The following GALNT1 variants were observed in gnomAD, a reference collection of about 807,000 sequenced individuals.
The protein encoded by GALNT1 is GalNAc transferase 1.
In GALNT1, 17 loss-of-function variants were observed where a neutral mutation model predicts 65.7. The observed-to-expected ratio is 0.26, with a 90% CI of 0.18 to 0.39. The LOEUF (loss-of-function observed/expected upper bound fraction) is 0.39, where lower values mean the gene tolerates loss of function less well. Among genes scored for constraint, GALNT1 ranks in the 10% least tolerant of loss-of-function variants. The pLI is 1.00. For synonymous variants in GALNT1, 210 were observed against 219.7 expected (o/e 0.96, Z 0.39); for missense variants, 460 against 672.8 (o/e 0.68, Z 3.50).
chr18:35,702,784 T>G, intron 9 of GALNT1, 113 bp from the exon 10 acceptor site: 1 of 608,720 alleles, frequency 1.6e-6, no homozygotes, highest in Non-Finnish European at 2.8e-6. Flanking sequence ...ATAGGCCATT[T>G]CAGAGTAGGG....
chr18:35,603,741 C>T (rs1013097889), intron 1 of GALNT1, among the ~76,000 whole-genome samples: 1 of 152,122 alleles, frequency 6.6e-6, no homozygotes, highest in African/African-American at 2.4e-5. Context: ...AGCTCCATCC[C>T]TCTACAGTTA....
At chr18:35,645,219 T>G (rs951926613) in intron 1 of GALNT1, among the ~76,000 whole-genome samples, 7 of 37,248 alleles carry the variant, frequency 1.9e-4, no homozygotes, top group African/African-American at 6.1e-4. Context: ...ATTTTGAATG[T>G]TTTTTTTTTT....
chr18:35,665,345 T>G (rs2047534639), intron 3 of GALNT1, among the ~76,000 whole-genome samples: 1 of 152,074 alleles, frequency 6.6e-6, no homozygotes, highest in Non-Finnish European at 1.5e-5. Flanking sequence ...ACCAAAGAGA[T>G]GGACAACAGT....
At chr18:35,697,016 G>A (rs980413205) in intron 9 of GALNT1, among the ~76,000 whole-genome samples, 2 of 152,220 alleles carry the variant, frequency 1.3e-5, no homozygotes, top group African/African-American at 4.8e-5. Context: ...AAGAATGGGT[G>A]CATTCACAAT....
chr18:35,662,573 G>T (rs2047492544), intron 2 of GALNT1, among the ~76,000 whole-genome samples: 1 of 150,054 alleles, frequency 6.7e-6, no homozygotes, highest in Non-Finnish European at 1.5e-5. Flanking sequence ...AAGCCTGACT[G>T]AAGAGAGATG....
At chr18:35,644,281 C>T (rs1231490320) in intron 1 of GALNT1, among the ~76,000 whole-genome samples, 1 of 152,204 alleles carries the variant, frequency 6.6e-6, no homozygotes, top group Non-Finnish European at 1.5e-5. Flanking sequence ...TAAGAAGATT[C>T]CAAGACCTGA....
At chr18:35,620,113 G>A (rs546600656) in intron 1 of GALNT1, among the ~76,000 whole-genome samples, 3 of 152,224 alleles carry the variant, frequency 2.0e-5, no homozygotes, top group African/African-American at 7.2e-5. Flanking sequence ...GCAGCTATGT[G>A]GTCAGCAAAG....
intron 1 of GALNT1, among the ~76,000 whole-genome samples, chr18:35,640,371 G>GTAC (rs35932635): frequency 3.3e-5 from 5 of 151,842 alleles, no homozygotes; most frequent in Non-Finnish European, 1.5e-5. Context: ...AAAAATTAAA[G>GTAC]TAACAAGTAT....
chr18:35,650,345 A>T (rs929529833), intron 1 of GALNT1, among the ~76,000 whole-genome samples: 2 of 152,218 alleles, frequency 1.3e-5, no homozygotes, highest in Non-Finnish European at 2.9e-5. Context: ...ATTAAAAAAT[A>T]TCACAAGGCA....
At chr18:35,628,007 A>G (rs777229580) in intron 1 of GALNT1, among the ~76,000 whole-genome samples, 1 of 152,174 alleles carries the variant, frequency 6.6e-6, no homozygotes, top group Non-Finnish European at 1.5e-5. Flanking sequence ...GCAATGTGGC[A>G]GCGAGGCTGG....
intron 1 of GALNT1, among the ~76,000 whole-genome samples, chr18:35,607,015 G>C (rs1317010813): frequency 2.0e-5 from 3 of 152,022 alleles, no homozygotes; most frequent in Non-Finnish European, 2.9e-5. Context: ...GTCATATTTT[G>C]TACCCCTCAG....
At chr18:35,603,796 G>C (rs1418749414) in intron 1 of GALNT1, among the ~76,000 whole-genome samples, 1 of 152,126 alleles carries the variant, frequency 6.6e-6, no homozygotes, top group Non-Finnish European at 1.5e-5. Flanking sequence ...ACAGTTATGT[G>C]AGCCAGTAAA....
Position 35,709,965 on chromosome 18 carries a change from G to C in GALNT1, c.*195G>C. ...AACCAGCCTTCCTGTCCATGGACGT[G>C]AAACTGCATAGTAATGAGACTGTGC... On this transcript the variant is annotated 3_prime_UTR_variant, in exon 12 of 12. Transcript: ENST00000269195. 1.7e-6 allele frequency: 1 copy of C among 593,800 alleles called. No homozygotes were observed. Among genetic ancestry groups the C allele is most frequent in the Middle Eastern group, 4.6e-4 (1 of 2,194 alleles). 36.8% of individuals were successfully genotyped at this position (593,800 alleles called of 1,614,324 possible).
chr18:35,631,075 C>CA (rs1276522234), intron 1 of GALNT1, among the ~76,000 whole-genome samples: 1 of 151,966 alleles, frequency 6.6e-6, no homozygotes, highest in Non-Finnish European at 1.5e-5. Flanking sequence ...GCTTACCACC[C>CA]AAAAAAAGTC....
chr18:35,700,333 G>T (rs1165356187), intron 9 of GALNT1, among the ~76,000 whole-genome samples: 3 of 152,182 alleles, frequency 2.0e-5, no homozygotes, highest in Non-Finnish European at 4.4e-5. Flanking sequence ...CATCATAGCT[G>T]TGCTCTTTCA....
chr18:35,627,903 G>A (rs78247324), intron 1 of GALNT1, among the ~76,000 whole-genome samples: 4 of 152,170 alleles, frequency 2.6e-5, no homozygotes, highest in South Asian at 2.1e-4. Context: ...CTTAGCAAAC[G>A]GCACACCAGG....
chr18:35,598,029 C>A (rs1256487099), intron 1 of GALNT1, among the ~76,000 whole-genome samples: 2 of 106,302 alleles, frequency 1.9e-5, no homozygotes, highest in African/African-American at 3.1e-5. Context: ...CTCCAATCCC[C>A]TCCCATCCCC....
chr18:35,634,512 A>G (rs760876694), intron 1 of GALNT1, among the ~76,000 whole-genome samples: 9 of 152,192 alleles, frequency 5.9e-5, no homozygotes, highest in Non-Finnish European at 1.2e-4. Flanking sequence ...AGAGGCAAAC[A>G]GACACAAGCT....
intron 1 of GALNT1, among the ~76,000 whole-genome samples, chr18:35,642,725 G>GA (rs1301572699): frequency 6.6e-6 from 1 of 152,096 alleles, no homozygotes; most frequent in Non-Finnish European, 1.5e-5. Flanking sequence ...CAGCAGACTA[G>GA]AAGCTGCTTT....
Sources: allele counts gnomAD v4.1 joint callset (sites outside exome capture counted in the v4.1 genomes callset), GRCh38; gene constraint gnomAD v4.1.1; transcripts MANE v1.5; gene names NCBI Gene and HGNC (gene_info 2026-07-23, HGNC 2026-07-21).